TEAD1: variants seen among roughly 807,000 people sequenced by gnomAD.
TEAD1 encodes the protein transcriptional enhancer factor TEF-1.
Under a neutral mutation model 54.9 loss-of-function variants are expected in TEAD1, and 9 were observed. That is an observed-to-expected ratio of 0.16 (90% CI 0.10 to 0.29). The LOEUF (loss-of-function observed/expected upper bound fraction) is 0.29. TEAD1 is among the 10% of genes least tolerant of loss of function. The pLI is 1.00. For synonymous variants in TEAD1, 200 were observed against 187.8 expected (o/e 1.07, Z -0.53); for missense variants, 387 against 535.9 (o/e 0.72, Z 2.74).
At chr11:12,749,439 T>C (rs1564927280) in intron 2 of TEAD1, among the ~76,000 whole-genome samples, 2 of 152,046 alleles carry the variant, frequency 1.3e-5, no homozygotes, top group Non-Finnish European at 2.9e-5. Flanking sequence ...CTAAAGAAAT[T>C]TGTGTGTGTG....
At chr11:12,781,546 A>G (rs577176970) in intron 3 of TEAD1, among the ~76,000 whole-genome samples, 46 of 152,252 alleles carry the variant, frequency 3.0e-4, no homozygotes, top group African/African-American at 1.0e-3. Context: ...ACATACGTTG[A>G]AAAACACACC....
At chr11:12,783,606 C>G (rs989725843) in intron 3 of TEAD1, among the ~76,000 whole-genome samples, 2 of 152,136 alleles carry the variant, frequency 1.3e-5, no homozygotes, top group Admixed American at 6.5e-5. Flanking sequence ...CACTCAAGGT[C>G]GAATGGCTAC....
intron 3 of TEAD1, among the ~76,000 whole-genome samples, chr11:12,798,559 T>C (rs1945985342): frequency 6.6e-6 from 1 of 152,214 alleles, no homozygotes; most frequent in South Asian, 2.1e-4. Flanking sequence ...TCAGTGCCTG[T>C]GGTCAAGTAA....
rs145917111 is a variant in TEAD1, at chr11:12,707,894, G to C, written c.-55+32333G>C. Among the ~76,000 whole-genome samples, 363 of 152,342 alleles carry C rather than the reference G, an allele frequency of 2.4e-3. 1 individual carries two copies. The highest frequency in any genetic ancestry group is 0.017 in the Middle Eastern group (5 of 294). ...GAAAAGTTGTGATGCTTGAAGTGCTGATTAGTATTCGGACTAAAGTATATG... is the reference window on the plus strand; with the variant it reads ...GAAAAGTTGTGATGCTTGAAGTGCTCATTAGTATTCGGACTAAAGTATATG... On this transcript the variant is annotated intron_variant, in intron 2 of 12. Transcript: ENST00000527636.
At chr11:12,729,673 G>A (rs191356505) in intron 2 of TEAD1, among the ~76,000 whole-genome samples, 73 of 152,324 alleles carry the variant, frequency 4.8e-4, no homozygotes, top group Non-Finnish European at 8.2e-4. Flanking sequence ...AGGACCTTGT[G>A]GAGATGGTGC....
intron 2 of TEAD1, among the ~76,000 whole-genome samples, chr11:12,688,256 G>C (rs185919785): frequency 1.8e-4 from 27 of 152,268 alleles, no homozygotes; most frequent in African/African-American, 6.3e-4. Flanking sequence ...TGCTTGCCCA[G>C]AGCCCTTCAT....
chr11:12,869,495 A>G (rs960595596), intron 5 of TEAD1, among the ~76,000 whole-genome samples: 4 of 152,202 alleles, frequency 2.6e-5, no homozygotes, highest in African/African-American at 9.7e-5. Flanking sequence ...CTTTTCAGAA[A>G]GATTTTCAAT....
intron 2 of TEAD1, among the ~76,000 whole-genome samples, chr11:12,746,484 G>T (rs976532262): frequency 3.3e-5 from 5 of 152,148 alleles, no homozygotes; most frequent in African/African-American, 1.2e-4. Flanking sequence ...ATTTTTAAAA[G>T]CATATTTAGA....
At chr11:12,910,783 G>A (rs1948603461) in intron 10 of TEAD1, among the ~76,000 whole-genome samples, 1 of 125,210 alleles carries the variant, frequency 8.0e-6, no homozygotes, top group African/African-American at 3.1e-5. Context: ...GTCTCGCTCT[G>A]TCTCACAGGC....
chr11:12,827,751 T>C (rs1946686627), intron 3 of TEAD1, among the ~76,000 whole-genome samples: 2 of 152,170 alleles, frequency 1.3e-5, no homozygotes, highest in Non-Finnish European at 2.9e-5. Context: ...GTGAGACATC[T>C]TTTGACACTG....
At chr11:12,764,492 A>G in intron 3 of TEAD1, 58 bp downstream of exon 3, 2 of 1,586,784 alleles carry the variant, frequency 1.3e-6, no homozygotes, top group Non-Finnish European at 1.7e-6. Context: ...GGTAGGGGAT[A>G]GATTGTAGCT....
chr11:12,867,417 G>A (rs1313309221), intron 5 of TEAD1, among the ~76,000 whole-genome samples: 6 of 152,152 alleles, frequency 3.9e-5, no homozygotes, highest in African/African-American at 1.4e-4. Context: ...CAGTAACTGG[G>A]GGAATGACAT....
chr11:12,881,060 G>C lies in TEAD1; in HGVS notation c.512+9G>C, dbSNP rs1947955862. 6.2e-7 allele frequency: 1 copy of C among 1,614,034 alleles called. No homozygotes were observed. Among genetic ancestry groups the C allele is most frequent in the Admixed American group, 1.7e-5 (1 of 60,010 alleles). The stretch of plus-strand genomic sequence containing the variant: ...CCAGGATCCTCACAAGAGTAAGTCT[G>C]AGGAGGGGTGGGCACTGACAACTAC... On this transcript the variant is annotated intron_variant, in intron 7 of 12. Coordinates refer to ENST00000527636, the MANE Select transcript of TEAD1 (RefSeq NM_021961.6).
intron 5 of TEAD1, among the ~76,000 whole-genome samples, chr11:12,876,118 T>G (rs1408994272): frequency 6.6e-6 from 1 of 152,164 alleles, no homozygotes; most frequent in African/African-American, 2.4e-5. Context: ...CTTGAACTCC[T>G]GTTTTCATTT....
At chr11:12,926,594 A>G (rs1428436040) in intron 11 of TEAD1, among the ~76,000 whole-genome samples, 3 of 152,228 alleles carry the variant, frequency 2.0e-5, no homozygotes, top group African/African-American at 7.2e-5. Context: ...TAGAACTTGG[A>G]TGACAGGTAA....
At chr11:12,915,677 A>T (rs1948699265) in intron 10 of TEAD1, among the ~76,000 whole-genome samples, 1 of 152,164 alleles carries the variant, frequency 6.6e-6, no homozygotes, top group Non-Finnish European at 1.5e-5. Flanking sequence ...GTGAAACCCC[A>T]TCTCTACTAA....
At chr11:12,864,321 T>C (rs1263122892) in intron 4 of TEAD1, among the ~76,000 whole-genome samples, 1 of 152,188 alleles carries the variant, frequency 6.6e-6, no homozygotes, top group East Asian at 1.9e-4. Context: ...TTACCTTTAC[T>C]CCCACCTTTT....
intron 2 of TEAD1, among the ~76,000 whole-genome samples, chr11:12,750,856 C>A (rs776639033): frequency 6.6e-5 from 10 of 152,232 alleles, no homozygotes; most frequent in Non-Finnish European, 1.5e-4. Flanking sequence ...ACAGAATAAA[C>A]TCCTCCATCA....
At chr11:12,760,397 G>A (rs1002997548) in intron 2 of TEAD1, among the ~76,000 whole-genome samples, 22 of 152,152 alleles carry the variant, frequency 1.4e-4, no homozygotes, top group African/African-American at 4.8e-4. Flanking sequence ...AAGTAGTTGC[G>A]GTAGTTTGAG....
Sources: allele counts gnomAD v4.1 joint callset (sites outside exome capture counted in the v4.1 genomes callset), GRCh38; gene constraint gnomAD v4.1.1; transcripts MANE v1.5; gene names NCBI Gene and HGNC (gene_info 2026-07-23, HGNC 2026-07-21).